The following SLC2A7 variants were observed in gnomAD, a reference collection of about 807,000 sequenced individuals.
The protein encoded by SLC2A7 is solute carrier family 2 member 7.
SLC2A7 carries 50 observed loss-of-function variants against 50.5 expected under a neutral mutation model. That is an observed-to-expected ratio of 0.99 (90% CI 0.79 to 1.25). The LOEUF is 1.25. Ranked by LOEUF, SLC2A7 falls within the 50% of genes most tolerant of loss-of-function variation. The pLI, the probability that SLC2A7 is intolerant of heterozygous loss-of-function variation, is 0.00. For synonymous variants in SLC2A7, 308 were observed against 300.4 expected (o/e 1.03, Z -0.26); for missense variants, 683 against 679.1 (o/e 1.01, Z -0.06).
At chr1:9,024,943 G>C (rs1206325383) in intron 2 of SLC2A7, 33 bp downstream of exon 2, 1 of 1,582,212 alleles carries the variant, frequency 6.3e-7, no homozygotes, top group Admixed American at 1.7e-5. Flanking sequence ...GTCAGCTGCT[G>C]CCCGGCCCAC....
At chr1:9,016,601 CAGGA>C (rs752430665) in intron 5 of SLC2A7, among the ~76,000 whole-genome samples, 10 of 145,354 alleles carry the variant, frequency 6.9e-5, no homozygotes, top group East Asian at 6.1e-4. Context: ...AGAGTGAGAC[CAGGA>C]AGGAAGGAAG....
At position 9,008,740 on chromosome 1, in the gene SLC2A7, G is replaced by A. The variant is rs561971788; in HGVS notation, c.1117-1355C>T. On this transcript the variant is annotated intron_variant, in intron 9 of 11. Transcript: ENST00000400906. The surrounding 1 kb of genome is among the most constrained non-coding windows in gnomAD (Gnocchi z 5.9). Reference sequence around the variant, plus strand: ...GCCTCCCGAGTAACTGGGATTACAGGCACACGCCACCACACCCGACTAAAT... The same window carrying A: ...GCCTCCCGAGTAACTGGGATTACAGACACACGCCACCACACCCGACTAAAT... 5.3e-5 allele frequency among the ~76,000 whole-genome samples: 8 copies of A among 152,056 alleles called. No individual in the cohort carries two copies. In the East Asian group the frequency reaches 1.5e-3, roughly 29 times the overall value.
rs1640691959 is a variant in SLC2A7, at chr1:9,008,488, A to T, written c.1117-1103T>A. On this transcript the variant is annotated intron_variant, in intron 9 of 11. Coordinates refer to ENST00000400906, the MANE Select transcript of SLC2A7 (RefSeq NM_207420.3). This position sits in a 1 kb window ranked among gnomAD's most constrained non-coding sequence, Gnocchi z 5.9. ...AGAAGGAGTGAAAGAGCCACCGGGG[A>T]TGCCCCTAGGTTTCAGAAGTGTCAC... is the stretch of plus-strand genomic sequence containing the variant. 6.6e-6 allele frequency among the ~76,000 whole-genome samples: 1 copy of T among 152,100 alleles called. No individual in the cohort carries two copies. Among genetic ancestry groups the T allele is most frequent in the Admixed American group, 6.5e-5 (1 of 15,268 alleles).
At chr1:8,992,649 C>T in the SLC2A7 span, among the ~76,000 whole-genome samples, 1 of 152,134 alleles carries the variant, frequency 6.6e-6, no homozygotes, top group Admixed American at 6.5e-5. Context: ...CCAGAACACA[C>T]AAGTTTTAGC....
chr1:9,005,840 G>A (rs1246687058), intron 10 of SLC2A7, among the ~76,000 whole-genome samples: 1 of 151,806 alleles, frequency 6.6e-6, no homozygotes, highest in African/African-American at 2.4e-5. Context: ...CTCTCTGGAT[G>A]GACATGGAGA....
At chr1:8,995,190 T>C in the SLC2A7 span, among the ~76,000 whole-genome samples, 1 of 151,674 alleles carries the variant, frequency 6.6e-6, no homozygotes, top group Admixed American at 6.6e-5. Flanking sequence ...GGCTCACACC[T>C]GTAATCCCAG....
At chr1:9,025,694 G>A (rs1204066902) in intron 1 of SLC2A7, among the ~76,000 whole-genome samples, 1 of 152,200 alleles carries the variant, frequency 6.6e-6, no homozygotes, top group South Asian at 2.1e-4. Context: ...GAAAATCCCG[G>A]CAGTCGCCTG....
rs193103198 is a variant in SLC2A7 at position 9,007,166 on chromosome 1, A to G, written c.1192+144T>C. 7.2e-5 allele frequency: 66 copies of G among 911,380 alleles called. No individual in the cohort carries two copies. In the African/African-American group the frequency reaches 9.8e-4, roughly 13 times the overall value. The allele number at this position is 911,380 out of a possible 1,614,324, so 56.5% of individuals were successfully genotyped here. ...ATGGCCTGGAGTGCCATCAAGGCTGAGAACTAAGAACGTGTGGGATCTGCG... is the reference window on the plus strand; with the variant it reads ...ATGGCCTGGAGTGCCATCAAGGCTGGGAACTAAGAACGTGTGGGATCTGCG... On this transcript the variant is annotated intron_variant, in intron 10 of 11. Coordinates refer to ENST00000400906, the MANE Select transcript of SLC2A7 (RefSeq NM_207420.3).
In SLC2A7 at chr1:9,003,023, T is replaced by C. The variant is rs142912863; in HGVS notation, c.*277A>G. 3.3e-5 allele frequency among the ~76,000 whole-genome samples: 5 copies of C among 152,390 alleles called. No homozygotes were observed. In the East Asian group the frequency reaches 9.6e-4, roughly 29 times the overall value. On this transcript the variant is annotated 3_prime_UTR_variant, in exon 12 of 12. Transcript: ENST00000400906. ...TAAAAAAGTGCATCTATACATCATT[T>C]AAATTTTGGTGCCAATGTAGAATCG...
the SLC2A7 span, among the ~76,000 whole-genome samples, chr1:8,993,355 G>A: frequency 1.3e-5 from 2 of 152,210 alleles, no homozygotes; most frequent in South Asian, 4.1e-4. Flanking sequence ...CATATCAGGG[G>A]AGAAAGGTAG....
At chr1:9,007,414 T>C in intron 9 of SLC2A7, 29 bp from the exon 10 acceptor site, 1 of 1,612,154 alleles carries the variant, frequency 6.2e-7, no homozygotes, top group Non-Finnish European at 8.5e-7. Flanking sequence ...CTGTCTGGGC[T>C]GAGGCCAGGA....
downstream of SLC2A7, among the ~76,000 whole-genome samples, chr1:8,999,586 G>GAA (rs1419934674): frequency 1.3e-5 from 2 of 152,176 alleles, no homozygotes; most frequent in Non-Finnish European, 2.9e-5. Flanking sequence ...CCCACACTCT[G>GAA]GTGATGGCTT....
At chr1:9,021,724 AG>A (rs1640915376) in intron 3 of SLC2A7, among the ~76,000 whole-genome samples, 1 of 152,142 alleles carries the variant, frequency 6.6e-6, no homozygotes, top group Admixed American at 6.5e-5. Context: ...AAAAAGACTA[AG>A]CAGCCCCGAC....
intron 9 of SLC2A7, 95 bp from the exon 10 acceptor site, chr1:9,007,480 G>A: frequency 8.6e-7 from 1 of 1,163,810 alleles, no homozygotes; most frequent in Non-Finnish European, 1.2e-6. Context: ...CCAGGGAGGA[G>A]CTGCACCTAG....
rs144726025 is a variant in SLC2A7, at chr1:9,015,476, A to G, written c.590-234T>C. On this transcript the variant is annotated intron_variant, in intron 5 of 11. Coordinates refer to ENST00000400906, the MANE Select transcript of SLC2A7 (RefSeq NM_207420.3). Reference sequence around the variant, plus strand: ...GAAGAACACCGTTTCTCTAAAGAATAGGCAATGATTTAAACACTTGAACCC... The same window carrying G: ...GAAGAACACCGTTTCTCTAAAGAATGGGCAATGATTTAAACACTTGAACCC... 4.8e-3 allele frequency among the ~76,000 whole-genome samples: 725 copies of G among 152,346 alleles called. 8 individuals are homozygous for G. The highest frequency in any genetic ancestry group is 0.016 in the African/African-American group (685 of 41,588).
chr1:9,010,736 G>T (rs923234950), intron 8 of SLC2A7, among the ~76,000 whole-genome samples: 2 of 152,176 alleles, frequency 1.3e-5, no homozygotes, highest in Non-Finnish European at 2.9e-5. Flanking sequence ...AGACATTCAT[G>T]CTCTTCACCA....
intron 9 of SLC2A7, among the ~76,000 whole-genome samples, chr1:9,009,418 T>A (rs1640708559): frequency 6.6e-6 from 1 of 152,212 alleles, no homozygotes; most frequent in African/African-American, 2.4e-5. Context: ...TTGGGTGGTC[T>A]GCTGTGTTTT....
intron 9 of SLC2A7, among the ~76,000 whole-genome samples, chr1:9,007,653 C>T (rs887418705): frequency 4.0e-4 from 61 of 152,176 alleles, no homozygotes; most frequent in African/African-American, 1.4e-3. Context: ...CTGCCAGGTG[C>T]CATTCTCTGC....
intron 8 of SLC2A7, 98 bp downstream of exon 8, chr1:9,013,427 G>C: frequency 1.0e-6 from 1 of 975,512 alleles, no homozygotes; most frequent in East Asian, 2.5e-5. Flanking sequence ...CCCAGGACCA[G>C]GGCCACCAGC....
Sources: allele counts gnomAD v4.1 joint callset (sites outside exome capture counted in the v4.1 genomes callset), GRCh38; gene constraint gnomAD v4.1.1; non-coding constraint Gnocchi (gnomAD v3.1); transcripts MANE v1.5; gene names NCBI Gene and HGNC (gene_info 2026-07-23, HGNC 2026-07-21).